CCDC154: variants seen among roughly 807,000 people sequenced by gnomAD.
CCDC154 encodes coiled-coil domain-containing protein 154.
In CCDC154, 91 loss-of-function variants were observed where a neutral mutation model predicts 87.5. That is an observed-to-expected ratio of 1.04 (90% CI 0.88 to 1.24). CCDC154 has a LOEUF of 1.24. Among genes scored for constraint, CCDC154 ranks in the 50% most tolerant of loss-of-function variants. The pLI, the probability that CCDC154 is intolerant of heterozygous loss-of-function variation, is 0.00. For synonymous variants in CCDC154, 418 were observed against 400.4 expected (o/e 1.04, Z -0.52); for missense variants, 903 against 879.2 (o/e 1.03, Z -0.34).
rs1016735877 is a variant in CCDC154, at chr16:1,435,640, C to T, written c.1605+329G>A. The stretch of plus-strand genomic sequence containing the variant: ...TTCCAGGTTCGAGTGATTCTCCTGC[C>T]TCAGCCTCCCGAGTAACTGGGACTA... On this transcript the variant is annotated intron_variant, in intron 14 of 16. Coordinates refer to ENST00000389176, the MANE Select transcript of CCDC154 (RefSeq NM_001143980.3). 4.6e-5 allele frequency among the ~76,000 whole-genome samples: 7 copies of T among 152,324 alleles called. No homozygotes were observed. In the Middle Eastern group the frequency reaches 0.014, roughly 296 times the overall value.
In CCDC154 at chr16:1,434,403, C is replaced by A. The variant is rs896544568; in HGVS notation, c.*5G>T. On this transcript the variant is annotated 3_prime_UTR_variant, in exon 17 of 17. Transcript: ENST00000389176. ...TCAGCTCTAATGAGTACAAAGCCAGCACGTTTATTTCTGGATAAACAGTGA... is the reference window on the plus strand; with the variant it reads ...TCAGCTCTAATGAGTACAAAGCCAGAACGTTTATTTCTGGATAAACAGTGA... 1 of 1,550,142 alleles carries A rather than the reference C, an allele frequency of 6.5e-7. No homozygotes were observed. The highest frequency in any genetic ancestry group is 8.7e-7 in the Non-Finnish European group (1 of 1,146,790).
intron 14 of CCDC154, chr16:1,435,399 C>T (rs2038491858): frequency 1.7e-6 from 1 of 580,900 alleles, no homozygotes; most frequent in East Asian, 2.9e-5. Flanking sequence ...CAGGGTTGTT[C>T]CGGCCCTCGT....
chr16:1,438,823 G>A lies in CCDC154; in HGVS notation c.898C>T (p.Gln300Ter), dbSNP rs1348211766. Reference sequence around the variant, plus strand: ...CGCCCGCCCGGCCCCACCTCATGCTGCCCCTGCAGGGCCCGCAGGCGCTCC... The same window carrying A: ...CGCCCGCCCGGCCCCACCTCATGCTACCCCTGCAGGGCCCGCAGGCGCTCC... ...MEERLRALQG[Q>*]HEESHLLEQC... is the part of the protein sequence containing the mutation. Residue 300 changes from glutamine (Q) to a stop codon, truncating the protein, a stop_gained, in exon 8 of 17, where the codon CAG (glutamine) becomes TAG (stop). Transcript: ENST00000389176. LOFTEE classifies it high-confidence loss of function. 2 of 1,543,564 alleles carry A rather than the reference G, an allele frequency of 1.3e-6. No individual in the cohort carries two copies. Among genetic ancestry groups the A allele is most frequent in the Non-Finnish European group, 1.7e-6 (2 of 1,144,594 alleles).
At chr16:1,436,593 CAG>C in intron 12 of CCDC154, 72 bp from the exon 13 acceptor site, 2 of 1,545,916 alleles carry the variant, frequency 1.3e-6, no homozygotes, top group Non-Finnish European at 8.7e-7. Context: ...TCGACCCACA[CAG>C]GGAGAGGGAG....
intron 6 of CCDC154, among the ~76,000 whole-genome samples, chr16:1,440,635 C>T (rs1242311528): frequency 6.6e-6 from 1 of 151,400 alleles, no homozygotes; most frequent in Non-Finnish European, 1.5e-5. Context: ...AGTGAGACCC[C>T]GTCTCTACAA....
At position 1,434,832 on chromosome 16, in the gene CCDC154, G is replaced by C. The variant is rs1004460090; in HGVS notation, c.1713C>G (p.Thr571=). 5 of 1,522,552 alleles carry C rather than the reference G, an allele frequency of 3.3e-6. No individual in the cohort carries two copies. The highest frequency in any genetic ancestry group is 4.4e-6 in the Non-Finnish European group (5 of 1,137,416). The allele number at this position is 1,522,552 out of a possible 1,614,324, so 94.3% of individuals were successfully genotyped here. A position where few individuals can be genotyped will look rare whatever the true frequency, so the allele number is the denominator to read the frequency against. The change falls in exon 16 of 17, where the codon ACC becomes ACG. Residue 571 remains threonine (T), a synonymous_variant. Transcript: ENST00000389176. The part of the protein sequence containing the change: ...EARLRTQEMA[T]LWESVLRLWS... ...ACAGCCGGAGCACACTCTCCCACAG[G>C]GTGGCCATCTCCTGCGTGCGCTGTG...
In CCDC154 at chr16:1,439,021, C is replaced by T; in HGVS notation, c.777+4G>A. 2.6e-6 allele frequency: 4 copies of T among 1,550,206 alleles called. No homozygotes were observed. The South Asian group carries it at 4.8e-5, about 18-fold the overall frequency. On this transcript the variant is annotated splice_donor_region_variant and intron_variant, in intron 7 of 16. Transcript: ENST00000389176. ...GGGCAGGCCAGCCGCGGGCAGGCTCCCACCTTCTCCAGGGCCAGGAAGCTC... is the reference window on the plus strand; with the variant it reads ...GGGCAGGCCAGCCGCGGGCAGGCTCTCACCTTCTCCAGGGCCAGGAAGCTC...
rs1427863685 is a variant in CCDC154, at chr16:1,443,679, C to T, written c.241G>A (p.Ala81Thr). 3.1e-6 allele frequency: 4 copies of T among 1,292,466 alleles called. No homozygotes were observed. The highest frequency in any genetic ancestry group is 2.6e-5 in the South Asian group (2 of 75,574). 80.1% of individuals were successfully genotyped at this position (1,292,466 alleles called of 1,614,324 possible). A position where few individuals can be genotyped will look rare whatever the true frequency, so the allele number is the denominator to read the frequency against. Residue 81 changes from alanine (A) to threonine (T), a missense_variant, in exon 3 of 17, where the codon GCC becomes ACC. Physicochemically the swap from Ala to Thr is moderately conservative, Grantham distance 58. Transcript: ENST00000389176. The part of the protein sequence containing the change: ...QLEQWVVELQ[A>T]EVACLREHKQ... ...TGCTCCCGCAGGCAGGCCACCTCGG[C>T]CTGCAGCTCCACCACCCTGGCCGGG...
Position 1,443,944 on chromosome 16 carries a change from G to A in CCDC154, c.76C>T (p.Leu26=). 1 of 1,303,766 alleles carries A rather than the reference G, an allele frequency of 7.7e-7. No individual in the cohort carries two copies. Among genetic ancestry groups the A allele is most frequent in the Non-Finnish European group, 1.0e-6 (1 of 988,940 alleles). The allele number at this position is 1,303,766 out of a possible 1,614,324, so 80.8% of individuals were successfully genotyped here. Residue 26 remains leucine, a synonymous_variant, in exon 2 of 17, where the codon CTG becomes TTG. Coordinates refer to ENST00000389176, the MANE Select transcript of CCDC154 (RefSeq NM_001143980.3). ...AGGCCTCCTGCCAGGAGGAGCCCCA[G>A]GTCTTCCAGGGTGACGGCTCTCAGC... ...SQLRAVTLED[L]GLLLAGGLAS...
Position 1,436,014 on chromosome 16 carries a change from G to GTCT in CCDC154, c.1557_1559dup (p.Glu519dup). ...TCTCCGCGATCTTCCGCCCAGGGTTGTCTTCCTTTAGCAGCTGCACGGATG... is the reference window on the plus strand; with the variant it reads ...TCTCCGCGATCTTCCGCCCAGGGTTGTCTTCTTCCTTTAGCAGCTGCACGGATG... On this transcript the variant is annotated inframe_insertion, in exon 14 of 17. Transcript: ENST00000389176. 6.4e-7 allele frequency: 1 copy of GTCT among 1,550,410 alleles called. No individual in the cohort carries two copies. The highest frequency in any genetic ancestry group is 8.7e-7 in the Non-Finnish European group (1 of 1,146,912).
Position 1,443,270 on chromosome 16 carries a change from A to T in CCDC154, c.446T>A (p.Leu149Gln). The change falls in exon 4 of 17, where the codon CTG becomes CAG. Residue 149 changes from leucine (L) to glutamine (Q), a missense_variant. By Grantham distance (113) the Leu-to-Gln change is moderately radical. Coordinates refer to ENST00000389176, the MANE Select transcript of CCDC154 (RefSeq NM_001143980.3). ...GGTGTGTGGGGGGTACCTTTTGTCC[A>T]GGGCCTGCATCTGGTTCTGGAGACC... is the stretch of plus-strand genomic sequence containing the variant. ...FSGLQNQMQA[L>Q]DKRLVEVREA... 2 of 1,549,136 alleles carry T rather than the reference A, an allele frequency of 1.3e-6. No individual in the cohort carries two copies. The highest frequency in any genetic ancestry group is 8.7e-7 in the Non-Finnish European group (1 of 1,146,536).
rs533534426 is a variant in CCDC154 at position 1,443,955 on chromosome 16, G to A, written c.65C>T (p.Thr22Ile). The A allele has an allele frequency of 1.8e-5, 24 of 1,303,552 alleles. No individual in the cohort carries two copies. The Admixed American group carries it at 5.3e-4, about 29-fold the overall frequency. The allele number at this position is 1,303,552 out of a possible 1,614,324, so 80.7% of individuals were successfully genotyped here. A position where few individuals can be genotyped will look rare whatever the true frequency, so the allele number is the denominator to read the frequency against. Residue 22 changes from threonine to isoleucine, a missense_variant, in exon 2 of 17, where the codon ACC becomes ATC. Thr to Ile is a moderately conservative substitution (Grantham distance 89, BLOSUM62 -1). Transcript: ENST00000389176. ...ASAPSQLRAV[T>I]LEDLGLLLAG... The stretch of plus-strand genomic sequence containing the variant: ...CAGGAGGAGCCCCAGGTCTTCCAGG[G>A]TGACGGCTCTCAGCTGGGAAGGGGC...
intron 11 of CCDC154, chr16:1,437,107 C>T (rs748418255): frequency 1.2e-5 from 5 of 432,608 alleles, no homozygotes; most frequent in African/African-American, 4.0e-5. Flanking sequence ...CGCAGGGTGT[C>T]GCCCACGTTT....
At chr16:1,438,597 C>T in intron 9 of CCDC154, 22 bp downstream of exon 9, 1 of 1,543,980 alleles carries the variant, frequency 6.5e-7, no homozygotes, top group Non-Finnish European at 8.8e-7. Context: ...CCTGACAGCA[C>T]CTGAGGCCCC....
rs1278307185 is a variant in CCDC154 at position 1,434,668 on chromosome 16, C to T, written c.1877G>A (p.Arg626Lys). The T allele has an allele frequency of 6.5e-7, 1 of 1,545,940 alleles. No individual in the cohort carries two copies. Among genetic ancestry groups the T allele is most frequent in the South Asian group, 1.2e-5 (1 of 84,028 alleles). ...CCGCGCCGGGATCCCTGCTGCCCAC[C>T]TCACAGCCTGGTACACGCCCCAGCA... The part of the protein sequence containing the change: ...MNCWGVYQAV[R>K]WLRWKASLIK... Residue 626 changes from arginine (R) to lysine (K), a missense_variant and splice_region_variant, in exon 16 of 17, where the codon AGG (arginine) becomes AAG (lysine). By Grantham distance (26) the Arg-to-Lys change is conservative. Coordinates refer to ENST00000389176, the MANE Select transcript of CCDC154 (RefSeq NM_001143980.3).
chr16:1,441,657 G>A (rs945034417), intron 6 of CCDC154, among the ~76,000 whole-genome samples: 1 of 152,220 alleles, frequency 6.6e-6, no homozygotes, highest in African/African-American at 2.4e-5. Flanking sequence ...CTTCGGGGCT[G>A]CGATCTGTGG....
chr16:1,438,075 T>G lies in CCDC154; in HGVS notation c.1127A>C (p.Gln376Pro). The change falls in exon 10 of 17, where the codon CAG becomes CCG. Residue 376 changes from glutamine to proline, a missense_variant. Transcript: ENST00000389176. ...AAQLAGELAR[Q>P]EMHGELVLLR... ...CAGCACCAGCTCTCCATGCATCTCC[T>G]GCCGGGCCAGCTCGCCAGCCAGCTG... 2 of 1,548,466 alleles carry G rather than the reference T, an allele frequency of 1.3e-6. No individual in the cohort carries two copies. Among genetic ancestry groups the G allele is most frequent in the Non-Finnish European group, 1.7e-6 (2 of 1,145,842 alleles).
Position 1,434,685 on chromosome 16 carries a change from G to T in CCDC154, c.1860C>A (p.Gly620=). The T allele has an allele frequency of 6.5e-7, 1 of 1,546,032 alleles. No individual in the cohort carries two copies. The highest frequency in any genetic ancestry group is 8.7e-7 in the Non-Finnish European group (1 of 1,146,542). The change falls in exon 16 of 17, where the codon GGC becomes GGA. Residue 620 remains glycine (G), a synonymous_variant. Coordinates refer to ENST00000389176, the MANE Select transcript of CCDC154 (RefSeq NM_001143980.3). Reference sequence around the variant, plus strand: ...CTGCCCACCTCACAGCCTGGTACACGCCCCAGCAGTTCATGGGCACCACCT... The same window carrying T: ...CTGCCCACCTCACAGCCTGGTACACTCCCCAGCAGTTCATGGGCACCACCT... ...PGKVVPMNCW[G]VYQAVRWLRW...
chr16:1,443,909 G>A lies in CCDC154; in HGVS notation c.111C>T (p.Pro37=), dbSNP rs1455477812. The A allele has an allele frequency of 2.8e-5, 37 of 1,303,988 alleles. No homozygotes were observed. Among genetic ancestry groups the A allele is most frequent in the African/African-American group, 6.1e-5 (4 of 65,886 alleles). 80.8% of individuals were successfully genotyped at this position (1,303,988 alleles called of 1,614,324 possible). A position where few individuals can be genotyped will look rare whatever the true frequency, so the allele number is the denominator to read the frequency against. The change falls in exon 2 of 17, where the codon CCC becomes CCT. Residue 37 remains proline (P), a synonymous_variant. Transcript: ENST00000389176. ...AGAGCTCCTCCAGGCTCAAGGGCTC[G>A]GGGCTGGCCAGGCCTCCTGCCAGGA... ...GLLLAGGLAS[P]EPLSLEELSE... is the part of the protein sequence containing the mutation.
Sources: gnomAD v4.1 joint callset for allele counts (sites outside exome capture counted in the v4.1 genomes callset) on GRCh38, gnomAD v4.1.1 for gene constraint, MANE v1.5 for transcripts, NCBI Gene and HGNC (gene_info 2026-07-23, HGNC 2026-07-21) for gene names.